The following TBXAS1 variants were observed in gnomAD, a reference collection of about 807,000 sequenced individuals.
TBXAS1 encodes thromboxane A synthase 1, also known as thromboxane-A synthase.
In TBXAS1, 48 loss-of-function variants were observed where a neutral mutation model predicts 60.7. The observed-to-expected ratio is 0.79, with a 90% CI of 0.63 to 1.01. TBXAS1 has a LOEUF of 1.01. Ranked by LOEUF, TBXAS1 falls within the 50% of genes least tolerant of loss-of-function variation. TBXAS1 has a pLI of 0.00. For missense variants in TBXAS1, 685 were observed against 686.3 expected, an observed-to-expected ratio of 1.00 and a Z score of 0.02; for synonymous variants, 287 against 269.7, an observed-to-expected ratio of 1.06 and a Z score of -0.63.
intron 9 of TBXAS1, among the ~76,000 whole-genome samples, chr7:139,967,460 T>C (rs78349240): frequency 0.014 from 2,171 of 152,272 alleles, 61 homozygotes; most frequent in African/African-American, 0.05. Context: ...AATGTCTTTA[T>C]AGGCTGAGGA....
At chr7:139,944,970 G>C (rs1808586095) in intron 5 of TBXAS1, among the ~76,000 whole-genome samples, 1 of 152,174 alleles carries the variant, frequency 6.6e-6, no homozygotes, top group Non-Finnish European at 1.5e-5. Flanking sequence ...AATAAACTAA[G>C]GAGCAAAGGA....
chr7:139,943,249 G>T (rs1020714434), intron 5 of TBXAS1, among the ~76,000 whole-genome samples: 8 of 152,170 alleles, frequency 5.3e-5, no homozygotes, highest in African/African-American at 1.9e-4. Context: ...ATACTTCAGA[G>T]TCCAAAAATA....
intron 1 of TBXAS1, among the ~76,000 whole-genome samples, chr7:139,842,449 G>A (rs1351771612): frequency 6.6e-6 from 1 of 152,204 alleles, no homozygotes; most frequent in East Asian, 1.9e-4. Context: ...ACTATCGCTT[G>A]CCACTGAAGG....
chr7:139,892,187 C>T (rs1803671921), intron 3 of TBXAS1, among the ~76,000 whole-genome samples: 1 of 152,120 alleles, frequency 6.6e-6, no homozygotes, highest in Non-Finnish European at 1.5e-5. Context: ...GTCAGCTGGC[C>T]GTACCAGAAA....
In TBXAS1 at chr7:140,012,168, C is replaced by T. The variant is rs1317858243; in HGVS notation, c.1227-3555C>T. Among the ~76,000 whole-genome samples, 5 of 152,166 alleles carry T rather than the reference C, an allele frequency of 3.3e-5. No homozygotes were observed. In the South Asian group the frequency reaches 6.2e-4, roughly 19 times the overall value. On this transcript the variant is annotated intron_variant, in intron 10 of 12. Transcript: ENST00000448866. ...AAGCCTTGACAGAGGGTGTGACCAG[C>T]GTCTCCTCCCAACCCCCGTGTTACC...
At chr7:139,841,636 T>G (rs1799457147) in intron 1 of TBXAS1, among the ~76,000 whole-genome samples, 1 of 152,166 alleles carries the variant, frequency 6.6e-6, no homozygotes, top group Non-Finnish European at 1.5e-5. Context: ...ATATTATTTT[T>G]TTTGTTTTCT....
intron 1 of TBXAS1, among the ~76,000 whole-genome samples, chr7:139,837,405 C>G (rs577524055): frequency 2.6e-5 from 4 of 152,186 alleles, no homozygotes; most frequent in Non-Finnish European, 5.9e-5. Context: ...AATCATGGAA[C>G]CAACCCAAAT....
At chr7:139,961,282 A>G (rs1199914057) in intron 8 of TBXAS1, among the ~76,000 whole-genome samples, 3 of 152,218 alleles carry the variant, frequency 2.0e-5, no homozygotes, top group African/African-American at 7.2e-5. Flanking sequence ...CTACTGTGTG[A>G]GAAAAACTGG....
chr7:139,977,971 C>G (rs911994581), intron 9 of TBXAS1, among the ~76,000 whole-genome samples: 1 of 152,156 alleles, frequency 6.6e-6, no homozygotes, highest in African/African-American at 2.4e-5. Context: ...CCATAACACA[C>G]GGACCATTCA....
At chr7:139,946,304 C>A (rs1432533335) in intron 5 of TBXAS1, among the ~76,000 whole-genome samples, 1 of 152,192 alleles carries the variant, frequency 6.6e-6, no homozygotes, top group Non-Finnish European at 1.5e-5. Flanking sequence ...CATGCCACTG[C>A]ACTCCAGCCT....
chr7:139,926,763 A>G (rs151151852), intron 4 of TBXAS1, among the ~76,000 whole-genome samples: 334 of 151,894 alleles, frequency 2.2e-3, no homozygotes, highest in Non-Finnish European at 4.2e-3. Flanking sequence ...GGCACTTATA[A>G]CTATAAATTT....
At chr7:139,991,045 C>G (rs1379922023) in intron 9 of TBXAS1, among the ~76,000 whole-genome samples, 2 of 152,188 alleles carry the variant, frequency 1.3e-5, no homozygotes, top group African/African-American at 2.4e-5. Context: ...TTAACACGTG[C>G]CACTGCCACG....
intron 6 of TBXAS1, 180 bp downstream of exon 6, chr7:139,953,636 T>C (rs1032392449): frequency 3.2e-6 from 2 of 622,384 alleles, no homozygotes; most frequent in Non-Finnish European, 5.7e-6. Context: ...GGGAAAGAGA[T>C]GTGAGCAGAG....
chr7:139,818,864 C>G (rs1798220563), intron 4 of TBXAS1, among the ~76,000 whole-genome samples: 1 of 149,656 alleles, frequency 6.7e-6, no homozygotes. Context: ...GAGCAGACCC[C>G]TGGTAGCAAC....
At chr7:139,851,711 A>C (rs1800226859) in intron 1 of TBXAS1, among the ~76,000 whole-genome samples, 1 of 152,278 alleles carries the variant, frequency 6.6e-6, no homozygotes, top group South Asian at 2.1e-4. Context: ...TATGAGGCTT[A>C]GTAACCAGCT....
chr7:139,780,968 C>T (rs1012214248), intron 2 of TBXAS1: 5 of 154,284 alleles, frequency 3.2e-5, no homozygotes, highest in African/African-American at 1.2e-4. Context: ...GTGAGTGATT[C>T]TAGGCAGTCT....
chr7:139,943,227 C>T (rs1456465989), intron 5 of TBXAS1, among the ~76,000 whole-genome samples: 1 of 152,186 alleles, frequency 6.6e-6, no homozygotes, highest in African/African-American at 2.4e-5. Context: ...CCAAGTGTGG[C>T]TGTAGTCATC....
At chr7:139,875,473 T>G in intron 2 of TBXAS1, 112 bp from the exon 3 acceptor site, 1 of 909,426 alleles carries the variant, frequency 1.1e-6, no homozygotes, top group Non-Finnish European at 1.8e-6. Context: ...TCCATTCTTT[T>G]TTATTGTTTC....
At chr7:139,923,314 G>A (rs1052578910) in intron 4 of TBXAS1, among the ~76,000 whole-genome samples, 1 of 152,014 alleles carries the variant, frequency 6.6e-6, no homozygotes, top group African/African-American at 2.4e-5. Flanking sequence ...GCAACAGAGC[G>A]AGACCCTGTC....
Sources: gnomAD v4.1 joint callset for allele counts (sites outside exome capture counted in the v4.1 genomes callset) on GRCh38, gnomAD v4.1.1 for gene constraint, MANE v1.5 for transcripts, NCBI Gene and HGNC (gene_info 2026-07-23, HGNC 2026-07-21) for gene names.